DENND1B: variants seen among roughly 807,000 people sequenced by gnomAD.
The protein encoded by DENND1B is DENN domain-containing protein 1B.
In DENND1B, 59 loss-of-function variants were observed where a neutral mutation model predicts 90.1. The observed-to-expected ratio is 0.65, with a 90% CI of 0.53 to 0.81. The LOEUF (loss-of-function observed/expected upper bound fraction) is 0.81. Ranked by LOEUF, DENND1B falls within the 40% of genes least tolerant of loss-of-function variation. DENND1B has a pLI of 0.00. For synonymous variants in DENND1B, 337 were observed against 324.6 expected (o/e 1.04, Z -0.41); for missense variants, 862 against 912.6 (o/e 0.94, Z 0.71).
chr1:197,735,876 G>GC (rs1662627884), intron 2 of DENND1B: 1 of 1,552,216 alleles, frequency 6.4e-7, no homozygotes, highest in African/African-American at 1.4e-5. Context: ...ATTGCAGGGG[G>GC]CTATTACAGG....
rs991342886 is a variant in DENND1B, at chr1:197,510,544, T to G, written c.2244A>C (p.Glu748Asp). The G allele has an allele frequency of 6.2e-7, 1 of 1,612,618 alleles. No individual in the cohort carries two copies. Among genetic ancestry groups the G allele is most frequent in the Non-Finnish European group, 8.5e-7 (1 of 1,179,132 alleles). ...ATGTCATATGACATAATGACACTAC[T>G]TCATGGAGCAGTCCAATATCTTCTG... is the stretch of plus-strand genomic sequence containing the variant. ...ETSEDIGLLHEVVSLCHMTSD... is the reference protein window; with the variant it reads ...ETSEDIGLLHDVVSLCHMTSD... Residue 748 changes from glutamate to aspartate, a missense_variant, in exon 23 of 23, where the codon GAA becomes GAC. Glu to Asp is a conservative substitution (Grantham distance 45, BLOSUM62 2). Coordinates refer to ENST00000620048, the MANE Select transcript of DENND1B (RefSeq NM_001195215.2).
chr1:197,770,275 T>C (rs1656255744), intron 2 of DENND1B, among the ~76,000 whole-genome samples: 1 of 152,132 alleles, frequency 6.6e-6, no homozygotes, highest in Non-Finnish European at 1.5e-5. Flanking sequence ...AGGCTAGATA[T>C]AAACTGTTAA....
At chr1:197,590,402 C>G (rs1271225968) in intron 14 of DENND1B, among the ~76,000 whole-genome samples, 1 of 152,094 alleles carries the variant, frequency 6.6e-6, no homozygotes, top group Non-Finnish European at 1.5e-5. Flanking sequence ...AATTTTATCT[C>G]ACATTTTTCA....
chr1:197,526,547 G>A (rs1482365498), intron 20 of DENND1B, among the ~76,000 whole-genome samples: 1 of 152,100 alleles, frequency 6.6e-6, no homozygotes, highest in Non-Finnish European at 1.5e-5. Flanking sequence ...TTACTAAATG[G>A]AGAAATTGAG....
intron 20 of DENND1B, among the ~76,000 whole-genome samples, chr1:197,530,735 G>A (rs150884032): frequency 1.7e-3 from 255 of 152,148 alleles, no homozygotes; most frequent in African/African-American, 5.8e-3. Context: ...AACAGCTACC[G>A]ATTATCAAGT....
At chr1:197,760,984 A>C (rs1360695806) in intron 2 of DENND1B, among the ~76,000 whole-genome samples, 1 of 152,192 alleles carries the variant, frequency 6.6e-6, no homozygotes, top group Non-Finnish European at 1.5e-5. Context: ...TGTACGTAAC[A>C]GTTCTTAGCT....
At chr1:197,742,763 G>A (rs915737678) in intron 2 of DENND1B, among the ~76,000 whole-genome samples, 2 of 152,076 alleles carry the variant, frequency 1.3e-5, no homozygotes, top group Non-Finnish European at 2.9e-5. Context: ...CAAAATTTGT[G>A]GAAGATAATA....
At chr1:197,519,054 A>C (rs1485783270) in intron 20 of DENND1B, among the ~76,000 whole-genome samples, 1 of 151,914 alleles carries the variant, frequency 6.6e-6, no homozygotes, top group African/African-American at 2.4e-5. Context: ...TTGTCCATAG[A>C]GATGCAAGTA....
intron 11 of DENND1B, among the ~76,000 whole-genome samples, chr1:197,615,982 A>G (rs1677612442): frequency 6.6e-6 from 1 of 150,966 alleles, no homozygotes; most frequent in Non-Finnish European, 1.5e-5. Flanking sequence ...AAAGATCTGG[A>G]AAAAAATTAG....
chr1:197,767,987 G>C (rs1237893120), intron 2 of DENND1B, among the ~76,000 whole-genome samples: 1 of 152,130 alleles, frequency 6.6e-6, no homozygotes, highest in Non-Finnish European at 1.5e-5. Flanking sequence ...TCATTTCTCT[G>C]TTCTTCAGTT....
At chr1:197,688,193 T>C (rs1657458626) in intron 3 of DENND1B, among the ~76,000 whole-genome samples, 1 of 151,996 alleles carries the variant, frequency 6.6e-6, no homozygotes, top group African/African-American at 2.4e-5. Context: ...TAAAAAGACA[T>C]CCCATGTTCA....
chr1:197,546,643 A>G (rs1670835157), intron 17 of DENND1B, 90 bp downstream of exon 17: 2 of 1,063,784 alleles, frequency 1.9e-6, no homozygotes. Flanking sequence ...TATTTCAAAT[A>G]AACAGCATAA....
intron 3 of DENND1B, among the ~76,000 whole-genome samples, chr1:197,676,281 G>C (rs1329376554): frequency 1.3e-5 from 2 of 152,034 alleles, no homozygotes; most frequent in African/African-American, 2.4e-5. Context: ...GAGAGACTTG[G>C]AAGGAGGCAT....
At chr1:197,551,203 A>C (rs1174541921) in intron 16 of DENND1B, among the ~76,000 whole-genome samples, 1 of 151,886 alleles carries the variant, frequency 6.6e-6, no homozygotes, top group Non-Finnish European at 1.5e-5. Flanking sequence ...ATCCTAACAC[A>C]TTTTGCTTTA....
chr1:197,572,119 G>A (rs565845893), intron 15 of DENND1B, among the ~76,000 whole-genome samples: 1 of 152,272 alleles, frequency 6.6e-6, no homozygotes, highest in South Asian at 2.1e-4. Flanking sequence ...GGGCATCGCC[G>A]CACCCGGGAA....
At position 197,658,281 on chromosome 1, in the gene DENND1B, TG is replaced by T; in HGVS notation, c.366+18del. 6.3e-7 allele frequency: 1 copy of T among 1,585,116 alleles called. No individual in the cohort carries two copies. Among genetic ancestry groups the T allele is most frequent in the Non-Finnish European group, 8.6e-7 (1 of 1,157,024 alleles). ...TAAGTATTTTACCACAATTTAAAAA[TG>T]GGGAAAAAATAGCTTACCAGTTCCT... On this transcript the variant is annotated intron_variant, in intron 6 of 22. Coordinates refer to ENST00000620048, the MANE Select transcript of DENND1B (RefSeq NM_001195215.2).
At chr1:197,701,542 C>A (rs1014380746) in intron 3 of DENND1B, among the ~76,000 whole-genome samples, 1 of 151,634 alleles carries the variant, frequency 6.6e-6, no homozygotes, top group South Asian at 2.1e-4. Flanking sequence ...TTGTATCCCC[C>A]CCTTCCCCGG....
At chr1:197,650,645 G>A in intron 7 of DENND1B, among the ~76,000 whole-genome samples, 1 of 152,044 alleles carries the variant, frequency 6.6e-6, no homozygotes, top group East Asian at 1.9e-4. Flanking sequence ...AGTGGATAAA[G>A]AAACTGCAGT....
At chr1:197,630,611 C>A (rs938136296) in intron 10 of DENND1B, among the ~76,000 whole-genome samples, 3 of 152,046 alleles carry the variant, frequency 2.0e-5, no homozygotes, top group Non-Finnish European at 4.4e-5. Context: ...TCCATCATAC[C>A]CAAGTCCTTT....
Sources: allele counts gnomAD v4.1 joint callset (sites outside exome capture counted in the v4.1 genomes callset), GRCh38; gene constraint gnomAD v4.1.1; transcripts MANE v1.5; gene names NCBI Gene and HGNC (gene_info 2026-07-23, HGNC 2026-07-21).